The following HCN1 variants were observed in gnomAD, a reference collection of about 807,000 sequenced individuals.
The protein encoded by HCN1 is hyperpolarization activated cyclic nucleotide gated potassium channel 1.
Under a neutral mutation model 78.9 loss-of-function variants are expected in HCN1, and 13 were observed. The observed-to-expected ratio is 0.16, with a 90% CI of 0.11 to 0.26. HCN1 has a LOEUF of 0.26. Among genes scored for constraint, HCN1 ranks in the 10% least tolerant of loss-of-function variants. HCN1 has a pLI of 1.00. For missense variants in HCN1, 810 were observed against 1,154.3 expected (o/e 0.70, Z 4.32); for synonymous variants, 552 against 455.5 (o/e 1.21, Z -2.70).
intron 2 of HCN1, among the ~76,000 whole-genome samples, chr5:45,584,558 T>G (rs1345956351): frequency 2.0e-5 from 3 of 152,166 alleles, no homozygotes; most frequent in African/African-American, 7.2e-5. Flanking sequence ...ATGTGTGAAT[T>G]TGATCCTGTC....
intron 3 of HCN1, among the ~76,000 whole-genome samples, chr5:45,456,350 A>T (rs1397914989): frequency 6.6e-6 from 1 of 152,050 alleles, no homozygotes; most frequent in South Asian, 2.1e-4. Flanking sequence ...ATTTTAAAAA[A>T]TGCTGATAAT....
chr5:45,589,084 G>T (rs997004421), intron 2 of HCN1, among the ~76,000 whole-genome samples: 1 of 152,102 alleles, frequency 6.6e-6, no homozygotes. Context: ...TAAATTCCCA[G>T]AAAAGATAAA....
chr5:45,294,266 T>A (rs1040690585), intron 6 of HCN1, among the ~76,000 whole-genome samples: 4 of 152,012 alleles, frequency 2.6e-5, no homozygotes, highest in African/African-American at 9.7e-5. Flanking sequence ...TTTAAAAATG[T>A]CAAATAATCA....
intron 2 of HCN1, among the ~76,000 whole-genome samples, chr5:45,636,955 A>G (rs1379028668): frequency 1.3e-5 from 2 of 152,270 alleles, no homozygotes; most frequent in African/African-American, 2.4e-5. Context: ...TTAAATTCAT[A>G]GAAACATTCA....
At chr5:45,506,532 A>G (rs1280808864) in intron 2 of HCN1, among the ~76,000 whole-genome samples, 2 of 152,176 alleles carry the variant, frequency 1.3e-5, no homozygotes, top group African/African-American at 4.8e-5. Context: ...TTAAAAATGC[A>G]AAACACAAAT....
chr5:45,270,941 G>A (rs552124310), intron 6 of HCN1, among the ~76,000 whole-genome samples: 1 of 152,098 alleles, frequency 6.6e-6, no homozygotes, highest in South Asian at 2.1e-4. Flanking sequence ...TCTGTCATCT[G>A]ATGATCTCAT....
rs557872295 is a variant in HCN1 at position 45,334,480 on chromosome 5, T to C, written c.1377+18620A>G. ...TCTTCTTTTCTCCGCTAATTAACTATATGTGACTTCCTACATTTCTAGTAT... is the reference window on the plus strand; with the variant it reads ...TCTTCTTTTCTCCGCTAATTAACTACATGTGACTTCCTACATTTCTAGTAT... On this transcript the variant is annotated intron_variant, in intron 5 of 7. Coordinates refer to ENST00000303230, the MANE Select transcript of HCN1 (RefSeq NM_021072.4). Among the ~76,000 whole-genome samples the C allele has an allele frequency of 9.2e-5, 14 of 152,034 alleles. No individual in the cohort carries two copies. In the East Asian group the frequency reaches 2.7e-3, roughly 30 times the overall value.
At chr5:45,372,104 ATATAATATAATTATATAT>A (rs1747395679) in intron 4 of HCN1, among the ~76,000 whole-genome samples, 1 of 63,602 alleles carries the variant, frequency 1.6e-5, no homozygotes, top group African/African-American at 7.4e-5. Flanking sequence ...TATATTTTAT[ATATAATATAATTATATAT>A]TATATATATA....
intron 5 of HCN1, among the ~76,000 whole-genome samples, chr5:45,347,014 G>T (rs1746734360): frequency 6.6e-6 from 1 of 152,178 alleles, no homozygotes; most frequent in Admixed American, 6.5e-5. Context: ...AGAGAGCAGT[G>T]GTTCTCCCAG....
chr5:45,590,334 C>A (rs1266671485), intron 2 of HCN1, among the ~76,000 whole-genome samples: 1 of 152,110 alleles, frequency 6.6e-6, no homozygotes, highest in African/African-American at 2.4e-5. Flanking sequence ...CAATATTGAG[C>A]AGAAAATACA....
chr5:45,664,325 G>A lies in HCN1; in HGVS notation c.426-18717C>T, dbSNP rs1242922250. 9.7e-5 allele frequency among the ~76,000 whole-genome samples: 13 copies of A among 134,094 alleles called. No homozygotes were observed. The East Asian group carries it at 2.7e-3, about 28-fold the overall frequency. 88.0% of individuals were successfully genotyped at this position (134,094 alleles called of 152,430 possible). On this transcript the variant is annotated intron_variant, in intron 1 of 7. Transcript: ENST00000303230. The stretch of plus-strand genomic sequence containing the variant: ...GACTGTGGTGGGGTCGGGGGAGGGG[G>A]AGGGATAGCATTGGGAGATATACCT...
intron 4 of HCN1, among the ~76,000 whole-genome samples, chr5:45,376,355 G>T (rs200787164): frequency 0.22 from 3,950 of 17,676 alleles, 62 homozygotes; most frequent in South Asian, 0.31. Context: ...TATATAGAGA[G>T]AGAGAGAGAG....
intron 5 of HCN1, among the ~76,000 whole-genome samples, chr5:45,325,979 C>A (rs1235830423): frequency 2.0e-5 from 3 of 151,004 alleles, no homozygotes; most frequent in Non-Finnish European, 4.4e-5. Flanking sequence ...GTTGAAGTTA[C>A]ATGTAAAAAA....
At chr5:45,301,808 C>A (rs1192315401) in intron 6 of HCN1, among the ~76,000 whole-genome samples, 3 of 150,640 alleles carry the variant, frequency 2.0e-5, no homozygotes, top group East Asian at 2.0e-4. Flanking sequence ...ATCTTTAATG[C>A]CCTAAGAAAA....
intron 2 of HCN1, among the ~76,000 whole-genome samples, chr5:45,470,394 G>A (rs1741366817): frequency 6.6e-6 from 1 of 151,764 alleles, no homozygotes; most frequent in Admixed American, 6.6e-5. Flanking sequence ...ACATATTAGT[G>A]CAACCCCCCT....
intron 2 of HCN1, among the ~76,000 whole-genome samples, chr5:45,532,124 C>T (rs1742866296): frequency 6.6e-6 from 1 of 152,140 alleles, no homozygotes; most frequent in Non-Finnish European, 1.5e-5. Context: ...CCTATGTTTC[C>T]ATAACACTTT....
chr5:45,321,277 T>A (rs1746120326), intron 5 of HCN1, among the ~76,000 whole-genome samples: 1 of 151,918 alleles, frequency 6.6e-6, no homozygotes, highest in Non-Finnish European at 1.5e-5. Flanking sequence ...GTAGTTCGCA[T>A]ATTATATCTC....
chr5:45,298,687 G>C (rs1745547999), intron 6 of HCN1, among the ~76,000 whole-genome samples: 1 of 151,970 alleles, frequency 6.6e-6, no homozygotes, highest in Non-Finnish European at 1.5e-5. Flanking sequence ...TAAATTTCCT[G>C]TTCAGGATGA....
intron 5 of HCN1, among the ~76,000 whole-genome samples, chr5:45,312,125 T>C (rs1745862317): frequency 6.6e-6 from 1 of 152,196 alleles, no homozygotes; most frequent in Non-Finnish European, 1.5e-5. Flanking sequence ...AATGGAATGG[T>C]TGTTTCAGTC....
Sources: gnomAD v4.1 joint callset for allele counts (sites outside exome capture counted in the v4.1 genomes callset) on GRCh38, gnomAD v4.1.1 for gene constraint, MANE v1.5 for transcripts, NCBI Gene and HGNC (gene_info 2026-07-23, HGNC 2026-07-21) for gene names.